Variants in LY9 observed in about 807,000 individuals in gnomAD.
The protein encoded by LY9 is T-lymphocyte surface antigen Ly-9.
LY9 carries 59 observed loss-of-function variants against 64.6 expected under a neutral mutation model. That is an observed-to-expected ratio of 0.91 (90% CI 0.74 to 1.13). The LOEUF is 1.13. LY9 is among the 50% of genes most tolerant of loss of function. The pLI is 0.00. For synonymous variants in LY9, 281 were observed against 308.5 expected, an observed-to-expected ratio of 0.91 and a Z score of 0.93; for missense variants, 789 against 797.2, an observed-to-expected ratio of 0.99 and a Z score of 0.12.
At position 160,799,895 on chromosome 1, in the gene LY9, C is replaced by T. The variant is rs200642266; in HGVS notation, c.267C>T (p.Phe89=). 64 of 1,614,070 alleles carry T rather than the reference C, an allele frequency of 4.0e-5. No individual in the cohort carries two copies. The highest frequency in any genetic ancestry group is 1.6e-4 in the Middle Eastern group (1 of 6,084). Residue 89 remains phenylalanine, a synonymous_variant, in exon 2 of 10, where the codon TTC becomes TTT. Transcript: ENST00000263285. ...IWIGPKNALA[F]ARPKENVTIM... is the part of the protein sequence containing the mutation. ...TTGGTCCCAAAAATGCTCTTGCTTT[C>T]GCACGTCCCAAAGAAAATGTAACCA...
Position 160,827,731 on chromosome 1 carries a change from G to A in LY9, c.1900-17G>A, listed in dbSNP as rs1668934601. The A allele has an allele frequency of 4.4e-6, 7 of 1,596,074 alleles. No individual in the cohort carries two copies. The highest frequency in any genetic ancestry group is 5.1e-6 in the Non-Finnish European group (6 of 1,170,302). On this transcript the variant is annotated splice_polypyrimidine_tract_variant and intron_variant, in intron 9 of 9. Coordinates refer to ENST00000263285, the MANE Select transcript of LY9 (RefSeq NM_002348.4). Reference sequence around the variant, plus strand: ...GGCTTTATTAACCATATTCTTTTGTGGATTTTTGGCTCACAGGTGGTGCCA... The same window carrying A: ...GGCTTTATTAACCATATTCTTTTGTAGATTTTTGGCTCACAGGTGGTGCCA...
intron 2 of LY9, among the ~76,000 whole-genome samples, chr1:160,807,269 C>T (rs185071149): frequency 2.0e-5 from 3 of 152,182 alleles, no homozygotes; most frequent in Admixed American, 2.0e-4. Flanking sequence ...GGGTAGGGCA[C>T]TCTGGCTTTG....
At chr1:160,807,937 T>C (rs1667135225) in intron 2 of LY9, among the ~76,000 whole-genome samples, 1 of 151,886 alleles carries the variant, frequency 6.6e-6, no homozygotes, top group South Asian at 2.1e-4. Context: ...CCAGCTATGG[T>C]ATGTGGAAGC....
intron 5 of LY9, among the ~76,000 whole-genome samples, chr1:160,817,511 A>G (rs939716130): frequency 6.6e-6 from 1 of 152,232 alleles, no homozygotes; most frequent in Non-Finnish European, 1.5e-5. Flanking sequence ...GCTGATATGG[A>G]AAGGGATGTG....
At chr1:160,824,319 C>G in intron 9 of LY9, 70 bp downstream of exon 9, 1 of 1,590,864 alleles carries the variant, frequency 6.3e-7, no homozygotes, top group Non-Finnish European at 8.6e-7. Context: ...ACCCTTTGAA[C>G]TGAAAATCCG....
At chr1:160,823,375 C>T (rs1291728212) in intron 7 of LY9, 90 bp from the exon 8 acceptor site, 8 of 921,592 alleles carry the variant, frequency 8.7e-6, no homozygotes, top group South Asian at 3.5e-5. Context: ...TCATCTAATG[C>T]AGGCATCAGA....
At chr1:160,827,667 T>C in intron 9 of LY9, 81 bp from the exon 10 acceptor site, 1 of 1,103,466 alleles carries the variant, frequency 9.1e-7, no homozygotes, top group Non-Finnish European at 1.3e-6. Context: ...AGTCATAGCC[T>C]GGCCTTGCCT....
At chr1:160,801,952 G>A (rs368177201) in intron 2 of LY9, 63 of 1,608,214 alleles carry the variant, frequency 3.9e-5, no homozygotes, top group Non-Finnish European at 5.1e-5. Context: ...AGACCGCTCC[G>A]CCATCCCCAC....
chr1:160,817,081 G>GC (rs1668019715), intron 5 of LY9, among the ~76,000 whole-genome samples: 2 of 152,078 alleles, frequency 1.3e-5, no homozygotes, highest in African/African-American at 4.8e-5. Flanking sequence ...TTAATAATAT[G>GC]TTTTATTTAA....
chr1:160,801,927 C>A (rs1396550267), intron 2 of LY9: 1 of 1,612,346 alleles, frequency 6.2e-7, no homozygotes. Flanking sequence ...GGCCCTCGCC[C>A]CCACCTGCCA....
At chr1:160,798,392 A>C (rs1314361410) in intron 1 of LY9, among the ~76,000 whole-genome samples, 1 of 152,180 alleles carries the variant, frequency 6.6e-6, no homozygotes, top group African/African-American at 2.4e-5. Context: ...CCTCATCTGT[A>C]AAAAGGGGCT....
chr1:160,810,493 T>A (rs1667387567), intron 2 of LY9: 1 of 152,238 alleles, frequency 6.6e-6, no homozygotes, highest in Non-Finnish European at 1.5e-5. Flanking sequence ...TCGGTCATAC[T>A]GTATTAGGGT....
At chr1:160,809,215 C>T (rs1445367173) in intron 2 of LY9, among the ~76,000 whole-genome samples, 2 of 151,224 alleles carry the variant, frequency 1.3e-5, no homozygotes, top group African/African-American at 4.9e-5. Flanking sequence ...AGACATCATC[C>T]CACTACATCA....
chr1:160,802,761 T>C (rs1014410287), intron 2 of LY9: 2 of 781,760 alleles, frequency 2.6e-6, no homozygotes, highest in Admixed American at 6.2e-5. Flanking sequence ...AAGTTTTTGT[T>C]GGATTTGTCA....
chr1:160,814,761 C>G lies in LY9; in HGVS notation c.1072C>G (p.Arg358Gly), dbSNP rs145006796. 83 of 1,609,994 alleles carry G rather than the reference C, an allele frequency of 5.2e-5. 1 individual carries two copies. In the South Asian group the frequency reaches 7.1e-4, roughly 14 times the overall value. ...SMTHVTLLIYRRLRKPKITWS... is the reference protein window; with the variant it reads ...SMTHVTLLIYGRLRKPKITWS... ...GACACATGTCACCCTGCTCATCTAC[C>G]GTGAGTCTCTGGGCAGGGCACCCAT... is the stretch of plus-strand genomic sequence containing the variant. The change falls in exon 4 of 10, where the codon CGC becomes GGC. Residue 358 changes from arginine (R) to glycine (G), a missense_variant and splice_region_variant. Physicochemically the swap from Arg to Gly is moderately radical, Grantham distance 125. Transcript: ENST00000263285.
rs371386555 is a variant in LY9, at chr1:160,824,269, C to G, written c.1899+20C>G. On this transcript the variant is annotated intron_variant, in intron 9 of 9. Coordinates refer to ENST00000263285, the MANE Select transcript of LY9 (RefSeq NM_002348.4). ...CCTCAGGTGGTGAGAACTACATTCT[C>G]TGTATCCCAAGGCCCACAGAGTGAG... The G allele has an allele frequency of 1.9e-6, 3 of 1,614,026 alleles. No individual in the cohort carries two copies. In the South Asian group the frequency reaches 3.3e-5, roughly 18 times the overall value.
intron 2 of LY9, chr1:160,800,338 A>G (rs1264049169): frequency 1.8e-5 from 7 of 388,652 alleles, no homozygotes; most frequent in African/African-American, 1.5e-4. Flanking sequence ...TCATCCCCCC[A>G]CCACCCACTC....
In LY9 at chr1:160,814,675, T is replaced by C. The variant is rs1009660085; in HGVS notation, c.986T>C (p.Ile329Thr). The C allele has an allele frequency of 5.6e-6, 9 of 1,614,074 alleles. No homozygotes were observed. The East Asian group carries it at 6.7e-5, about 12-fold the overall frequency. ...DCSLKISQLK[I>T]EDAGPYHAYV... The stretch of plus-strand genomic sequence containing the variant: ...TCCCTGAAGATCAGCCAGCTGAAGA[T>C]AGAGGACGCCGGCCCCTACCATGCC... The change falls in exon 4 of 10, where the codon ATA becomes ACA. Residue 329 changes from isoleucine to threonine, a missense_variant. Physicochemically the swap from Ile to Thr is moderately conservative, Grantham distance 89. Coordinates refer to ENST00000263285, the MANE Select transcript of LY9 (RefSeq NM_002348.4).
chr1:160,802,249 C>T, intron 2 of LY9: 1 of 1,043,234 alleles, frequency 9.6e-7, no homozygotes, highest in Non-Finnish European at 1.2e-6. Context: ...GTAGAGACTC[C>T]CAAGCCTGTC....
Sources: allele counts gnomAD v4.1 joint callset (sites outside exome capture counted in the v4.1 genomes callset), GRCh38; gene constraint gnomAD v4.1.1; transcripts MANE v1.5; gene names NCBI Gene and HGNC (gene_info 2026-07-23, HGNC 2026-07-21).